Variants in FAM227B observed in about 807,000 individuals in gnomAD.
FAM227B encodes the protein family with sequence similarity 227 member B, also known as protein FAM227B.
FAM227B carries 88 observed loss-of-function variants against 73.8 expected under a neutral mutation model. The observed-to-expected ratio is 1.19, with a 90% confidence interval of 1.00 to 1.42. The LOEUF is 1.42. Among genes scored for constraint, FAM227B ranks in the 40% most tolerant of loss-of-function variants. The pLI, the probability that FAM227B is intolerant of heterozygous loss-of-function variation, is 0.00. For missense variants in FAM227B, 632 were observed against 590.9 expected, an observed-to-expected ratio of 1.07 and a Z score of -0.72; for synonymous variants, 210 against 190.5, an observed-to-expected ratio of 1.10 and a Z score of -0.84.
chr15:49,461,535 ATGTCT>A (rs1230327990), intron 11 of FAM227B, among the ~76,000 whole-genome samples: 1 of 152,186 alleles, frequency 6.6e-6, no homozygotes, highest in East Asian at 1.9e-4. Context: ...TTACTGCTAG[ATGTCT>A]TGTCTATCTC....
At chr15:49,584,464 A>T (rs1478875768) in intron 5 of FAM227B, among the ~76,000 whole-genome samples, 1 of 152,208 alleles carries the variant, frequency 6.6e-6, no homozygotes, top group African/African-American at 2.4e-5. Context: ...CAAGAAAAGG[A>T]TGCCCTCTCT....
intron 12 of FAM227B, 30 bp downstream of exon 12, chr15:49,371,272 A>T: frequency 7.3e-7 from 1 of 1,376,606 alleles, no homozygotes; most frequent in South Asian, 1.2e-5. Flanking sequence ...AACAAGTAAG[A>T]AATTTTTTCA....
chr15:49,374,852 A>G (rs530414471), intron 11 of FAM227B, among the ~76,000 whole-genome samples: 44 of 152,172 alleles, frequency 2.9e-4, no homozygotes, highest in Non-Finnish European at 5.1e-4. Context: ...CCTCATGAGT[A>G]TATTCTTAAT....
chr15:49,572,397 CT>C (rs1248539146), intron 8 of FAM227B, among the ~76,000 whole-genome samples: 2 of 152,050 alleles, frequency 1.3e-5, no homozygotes, highest in African/African-American at 4.8e-5. Flanking sequence ...AAATTTCCCT[CT>C]TTGCACTGCT....
At chr15:49,393,504 C>G (rs1050801303) in intron 11 of FAM227B, among the ~76,000 whole-genome samples, 2 of 152,028 alleles carry the variant, frequency 1.3e-5, no homozygotes, top group Non-Finnish European at 2.9e-5. Context: ...AAATTTTTTC[C>G]ACAGGTGGGT....
chr15:49,405,500 C>T (rs543828663), intron 11 of FAM227B, among the ~76,000 whole-genome samples: 1 of 152,192 alleles, frequency 6.6e-6, no homozygotes, highest in African/African-American at 2.4e-5. Context: ...TTTCAGAAAG[C>T]CAGTCTTCAA....
At chr15:49,409,122 G>A (rs964721208) in intron 11 of FAM227B, among the ~76,000 whole-genome samples, 2 of 152,108 alleles carry the variant, frequency 1.3e-5, no homozygotes, top group Non-Finnish European at 2.9e-5. Flanking sequence ...TGGCTGGCAT[G>A]AGAGTCCTCT....
At chr15:49,478,335 T>G (rs1248954916) in intron 11 of FAM227B, among the ~76,000 whole-genome samples, 2 of 148,472 alleles carry the variant, frequency 1.3e-5, no homozygotes, top group East Asian at 4.0e-4. Flanking sequence ...TTTAACTAGG[T>G]TTTTTTTTTC....
At chr15:49,418,709 T>G (rs2049385563) in intron 11 of FAM227B, among the ~76,000 whole-genome samples, 2 of 152,066 alleles carry the variant, frequency 1.3e-5, no homozygotes, top group Admixed American at 1.3e-4. Flanking sequence ...GGTGATAATC[T>G]GTACACTGAA....
intron 11 of FAM227B, among the ~76,000 whole-genome samples, chr15:49,377,785 A>G (rs2046267531): frequency 6.6e-6 from 1 of 152,070 alleles, no homozygotes; most frequent in Admixed American, 6.5e-5. Context: ...GTAGTTTGCA[A>G]ATATTTTCTG....
At chr15:49,429,732 TG>T (rs2050429060) in intron 11 of FAM227B, among the ~76,000 whole-genome samples, 1 of 151,966 alleles carries the variant, frequency 6.6e-6, no homozygotes, top group Non-Finnish European at 1.5e-5. Context: ...AGGTACAGTC[TG>T]GGCATCAGGA....
intron 3 of FAM227B, among the ~76,000 whole-genome samples, chr15:49,608,546 A>G (rs1391291068): frequency 3.9e-5 from 6 of 152,128 alleles, no homozygotes; most frequent in Admixed American, 3.9e-4. Flanking sequence ...AGTGACTATT[A>G]TTTAGCTCTT....
intron 13 of FAM227B, among the ~76,000 whole-genome samples, chr15:49,356,037 T>C (rs1271908951): frequency 6.6e-6 from 1 of 151,760 alleles, no homozygotes; most frequent in Non-Finnish European, 1.5e-5. Flanking sequence ...GACAAGCAAA[T>C]GCTGAGAGAT....
intron 11 of FAM227B, among the ~76,000 whole-genome samples, chr15:49,403,836 T>A (rs1216177570): frequency 1.3e-5 from 2 of 152,136 alleles, no homozygotes. Flanking sequence ...CTCTAGTTCT[T>A]TTAGTTGTGA....
At position 49,328,691 on chromosome 15, in the gene FAM227B, A is replaced by G; in HGVS notation, c.1420-16T>C. 5 of 1,550,238 alleles carry G rather than the reference A, an allele frequency of 3.2e-6. No individual in the cohort carries two copies. Among genetic ancestry groups the G allele is most frequent in the Non-Finnish European group, 3.5e-6 (4 of 1,145,826 alleles). On this transcript the variant is annotated splice_polypyrimidine_tract_variant and intron_variant, in intron 15 of 15. Transcript: ENST00000299338. ...CTTCGGAACGCTATGAAAATAATAC[A>G]TGATTAAAGTTTCACAGATCTTCTT...
intron 13 of FAM227B, among the ~76,000 whole-genome samples, chr15:49,354,924 C>G (rs1219531966): frequency 6.6e-6 from 1 of 151,998 alleles, no homozygotes; most frequent in Admixed American, 6.5e-5. Flanking sequence ...TCAAGTGGGT[C>G]CCTGACCCCT....
intron 6 of FAM227B, chr15:49,577,232 G>C (rs2075509789): frequency 6.0e-6 from 2 of 336,004 alleles, no homozygotes; most frequent in Non-Finnish European, 1.2e-5. Flanking sequence ...GGGAGGCAGA[G>C]GTTGCAGTGA....
chr15:49,503,658 A>G (rs1039327908), intron 11 of FAM227B, among the ~76,000 whole-genome samples: 4 of 152,364 alleles, frequency 2.6e-5, no homozygotes, highest in Non-Finnish European at 4.4e-5. Context: ...TTATGCAGCC[A>G]AAAGACACAT....
chr15:49,546,071 T>C (rs1299198960), intron 9 of FAM227B, among the ~76,000 whole-genome samples: 4 of 152,282 alleles, frequency 2.6e-5, no homozygotes, highest in Non-Finnish European at 5.9e-5. Flanking sequence ...ACTCGTCATT[T>C]AGCATTAGGT....
Sources: gnomAD v4.1 joint callset for allele counts (sites outside exome capture counted in the v4.1 genomes callset) on GRCh38, gnomAD v4.1.1 for gene constraint, MANE v1.5 for transcripts, NCBI Gene and HGNC (gene_info 2026-07-23, HGNC 2026-07-21) for gene names.